SHROOM3: variants seen among roughly 807,000 people sequenced by gnomAD.
SHROOM3 encodes protein Shroom3.
SHROOM3 carries 47 observed loss-of-function variants against 138.6 expected under a neutral mutation model. The ratio of observed to expected loss-of-function variants is 0.34; its 90% CI spans 0.27 to 0.43. The LOEUF is 0.43. Ranked by LOEUF, SHROOM3 falls within the 20% of genes least tolerant of loss-of-function variation. The pLI is 1.00. For synonymous variants in SHROOM3, 1,062 were observed against 1,063.3 expected, an observed-to-expected ratio of 1.00 and a Z score of 0.02; for missense variants, 2,491 against 2,596.5, an observed-to-expected ratio of 0.96 and a Z score of 0.88.
intron 1 of SHROOM3, among the ~76,000 whole-genome samples, chr4:76,503,531 C>T (rs1732144213): frequency 6.6e-6 from 1 of 152,136 alleles, no homozygotes; most frequent in South Asian, 2.1e-4. Context: ...CAGGTTCAAA[C>T]AATTCTCATG....
At chr4:76,718,857 G>A (rs1720455708) in intron 3 of SHROOM3, among the ~76,000 whole-genome samples, 1 of 152,042 alleles carries the variant, frequency 6.6e-6, no homozygotes. Flanking sequence ...ATTTATTCTT[G>A]GCCTTGTATA....
At chr4:76,661,528 C>T (rs1736187439) in intron 2 of SHROOM3, among the ~76,000 whole-genome samples, 1 of 152,218 alleles carries the variant, frequency 6.6e-6, no homozygotes, top group African/African-American at 2.4e-5. Context: ...GACACTGCGC[C>T]TGGCAAATAT....
Position 76,740,439 on chromosome 4 carries a change from C to A in SHROOM3, c.2266C>A (p.Leu756Met), listed in dbSNP as rs200283248. 1 of 1,612,498 alleles carries A rather than the reference C, an allele frequency of 6.2e-7. No homozygotes were observed. Among genetic ancestry groups the A allele is most frequent in the Non-Finnish European group, 8.5e-7 (1 of 1,179,342 alleles). ...PAPSHPHTSS[L>M]GRRGPGPGSA... ...CCCCTCGCACCCGCACACATCCAGT[C>A]TGGGCCGGAGGGGGCCCGGCCCAGG... Residue 756 changes from leucine (L) to methionine (M), a missense_variant, in exon 5 of 11, where the codon CTG becomes ATG. This residue lies in a region of SHROOM3 where 1,733 missense variants were observed against 1,661.6 expected (regional missense o/e 1.04). Transcript: ENST00000296043. This position sits in a 1 kb window ranked among gnomAD's most constrained non-coding sequence, Gnocchi z 4.0.
chr4:76,756,376 A>C, intron 7 of SHROOM3, 73 bp from the exon 8 acceptor site: 4 of 1,518,808 alleles, frequency 2.6e-6, no homozygotes, highest in Non-Finnish European at 2.7e-6. Flanking sequence ...CCACCCTCTT[A>C]TCATCACCCT....
chr4:76,746,678 G>A (rs1317095181), intron 5 of SHROOM3, among the ~76,000 whole-genome samples: 1 of 152,014 alleles, frequency 6.6e-6, no homozygotes, highest in East Asian at 1.9e-4. Context: ...ATATTCTAAA[G>A]TAGGTGAATA....
At chr4:76,635,410 A>C (rs1051128789) in intron 2 of SHROOM3, among the ~76,000 whole-genome samples, 5 of 152,216 alleles carry the variant, frequency 3.3e-5, no homozygotes, top group African/African-American at 1.2e-4. Context: ...TGGTCATAAA[A>C]GAAAAAACCA....
chr4:76,608,588 A>G (rs1286078239), intron 2 of SHROOM3, among the ~76,000 whole-genome samples: 24 of 144,658 alleles, frequency 1.7e-4, no homozygotes, highest in African/African-American at 6.0e-4. Context: ...AGCATAGCAT[A>G]GCATAGCATA....
chr4:76,481,615 G>T (rs1244094354), intron 1 of SHROOM3, among the ~76,000 whole-genome samples: 1 of 151,902 alleles, frequency 6.6e-6, no homozygotes, highest in Non-Finnish European at 1.5e-5. Flanking sequence ...AATAGAAAAA[G>T]AGGGACTCCC....
chr4:76,455,070 A>C lies in SHROOM3; in HGVS notation c.168+18850A>C, dbSNP rs141610953. Among the ~76,000 whole-genome samples the C allele has an allele frequency of 8.7e-3, 1,328 of 152,292 alleles. 5 individuals carry two copies. Among genetic ancestry groups the C allele is most frequent in the Non-Finnish European group, 0.014 (985 of 68,008 alleles). On this transcript the variant is annotated intron_variant, in intron 1 of 10. Coordinates refer to ENST00000296043, the MANE Select transcript of SHROOM3 (RefSeq NM_020859.4). ...TGGTGGAATCTTTGGAGGTTTCTACATATAAAATAATGTCAATGGAGATAA... is the reference window on the plus strand; with the variant it reads ...TGGTGGAATCTTTGGAGGTTTCTACCTATAAAATAATGTCAATGGAGATAA...
intron 2 of SHROOM3, among the ~76,000 whole-genome samples, chr4:76,569,140 T>G (rs1733785477): frequency 6.6e-6 from 1 of 152,244 alleles, no homozygotes; most frequent in African/African-American, 2.4e-5. Context: ...TTTTCCATAC[T>G]GTTAGCTGTT....
intron 2 of SHROOM3, among the ~76,000 whole-genome samples, chr4:76,622,319 G>A (rs1480863200): frequency 1.3e-5 from 2 of 151,970 alleles, no homozygotes; most frequent in Non-Finnish European, 2.9e-5. Context: ...CATAGCACTT[G>A]TATTCACTCT....
chr4:76,703,382 A>AGG (rs57075157), intron 2 of SHROOM3, among the ~76,000 whole-genome samples: 1,601 of 152,360 alleles, frequency 0.011, 28 homozygotes, highest in African/African-American at 0.037. Flanking sequence ...GTAAGTTACA[A>AGG]AAGGTCAGTA....
At chr4:76,451,012 A>G (rs2109969679) in intron 1 of SHROOM3, among the ~76,000 whole-genome samples, 1 of 151,922 alleles carries the variant, frequency 6.6e-6, no homozygotes, top group African/African-American at 2.4e-5. Context: ...GTGAAGTGGC[A>G]CAATCTTGGC....
intron 2 of SHROOM3, among the ~76,000 whole-genome samples, chr4:76,613,285 A>T (rs56248930): frequency 0.29 from 43,519 of 151,996 alleles, 6,414 homozygotes; most frequent in East Asian, 0.43. Flanking sequence ...TTCATTTCTT[A>T]TCTTCATGGC....
chr4:76,662,930 G>A (rs973011380), intron 2 of SHROOM3, among the ~76,000 whole-genome samples: 4 of 151,358 alleles, frequency 2.6e-5, no homozygotes, highest in Middle Eastern at 3.2e-3. Context: ...GAAGGGAGAG[G>A]GAGAGGGAGG....
chr4:76,693,366 G>GTTTTTTTTT lies in SHROOM3; in HGVS notation c.324-16787_324-16786insTTTTTTTTT, dbSNP rs1429298697. ...ACTATGCATACCTTCATTTTGATAAGTTTGTTTTTTTTTTTTTTTTTTTTT... is the reference window on the plus strand; with the variant it reads ...ACTATGCATACCTTCATTTTGATAAGTTTTTTTTTTTTGTTTTTTTTTTTTTTTTTTTTT... On this transcript the variant is annotated intron_variant, in intron 2 of 10. Transcript: ENST00000296043. Among the ~76,000 whole-genome samples, 187 of 59,976 alleles carry GTTTTTTTTT rather than the reference G, an allele frequency of 3.1e-3. 3 individuals carry two copies. Among genetic ancestry groups the GTTTTTTTTT allele is most frequent in the African/African-American group, 6.3e-3 (89 of 14,044 alleles). 39.3% of individuals were successfully genotyped at this position (59,976 alleles called of 152,430 possible). A position where few individuals can be genotyped will look rare whatever the true frequency, so the allele number is the denominator to read the frequency against.
chr4:76,667,784 C>T (rs571100326), intron 2 of SHROOM3, among the ~76,000 whole-genome samples: 2 of 150,596 alleles, frequency 1.3e-5, no homozygotes, highest in East Asian at 2.0e-4. Context: ...CTGGCCAACA[C>T]GCTGAAACCC....
chr4:76,756,375 TATC>T (rs1721810235), intron 7 of SHROOM3, 71 bp from the exon 8 acceptor site: 2 of 1,527,368 alleles, frequency 1.3e-6, no homozygotes, highest in South Asian at 1.2e-5. Context: ...TCCACCCTCT[TATC>T]ATCACCCTTC....
At chr4:76,663,793 G>A (rs935620626) in intron 2 of SHROOM3, among the ~76,000 whole-genome samples, 5 of 152,190 alleles carry the variant, frequency 3.3e-5, no homozygotes, top group African/African-American at 1.2e-4. Context: ...GGGAACTCAG[G>A]TAACAGTGGA....
Sources: allele counts gnomAD v4.1 joint callset (sites outside exome capture counted in the v4.1 genomes callset), GRCh38; gene constraint gnomAD v4.1.1; regional missense constraint gnomAD v4.1.1; non-coding constraint Gnocchi (gnomAD v3.1); transcripts MANE v1.5; gene names NCBI Gene and HGNC (gene_info 2026-07-23, HGNC 2026-07-21).